Variants in SYNJ2 observed in about 807,000 individuals in gnomAD.
SYNJ2 encodes the protein synaptojanin 2, also known as polyphosphatidylinositol phosphatase SYNJ2.
In SYNJ2, 116 loss-of-function variants were observed where a neutral mutation model predicts 141.3. That is an observed-to-expected ratio of 0.82 (90% CI 0.71 to 0.96). The LOEUF is 0.96. SYNJ2 is among the 40% of genes least tolerant of loss of function. The pLI, the probability that SYNJ2 is intolerant of heterozygous loss-of-function variation, is 0.00. For synonymous variants in SYNJ2, 745 were observed against 777.7 expected, an observed-to-expected ratio of 0.96 and a Z score of 0.70; for missense variants, 1,873 against 1,934.8, an observed-to-expected ratio of 0.97 and a Z score of 0.60.
At chr6:158,047,375 A>G (rs968622996) in intron 5 of SYNJ2, among the ~76,000 whole-genome samples, 1 of 152,096 alleles carries the variant, frequency 6.6e-6, no homozygotes, top group African/African-American at 2.4e-5. Context: ...CTTTGTAACC[A>G]TGTGTGTTTG....
intron 1 of SYNJ2, among the ~76,000 whole-genome samples, chr6:158,010,876 G>A (rs935158012): frequency 2.1e-5 from 3 of 145,288 alleles, no homozygotes; most frequent in South Asian, 2.3e-4. Context: ...GGATGGCCTC[G>A]TGACAACGGG....
chr6:158,002,905 T>C (rs1198897720), intron 1 of SYNJ2, among the ~76,000 whole-genome samples: 1 of 152,188 alleles, frequency 6.6e-6, no homozygotes, highest in African/African-American at 2.4e-5. Context: ...TTTCCTGGAT[T>C]TCTTATTTTT....
chr6:158,037,298 T>C (rs1204739845), intron 4 of SYNJ2, among the ~76,000 whole-genome samples: 1 of 144,920 alleles, frequency 6.9e-6, no homozygotes, highest in East Asian at 2.0e-4. Flanking sequence ...CTCTCCATCA[T>C]CTCTGCCTCC....
rs144486000 is a variant in SYNJ2, at chr6:158,086,659, T to A, written c.3209-196T>A. ...TACCCATTATCCATGGTTCACTGAA[T>A]GTTCCAAGCAGGCACTGGGTGCCCT... On this transcript the variant is annotated intron_variant, in intron 22 of 26. Coordinates refer to ENST00000355585, the MANE Select transcript of SYNJ2 (RefSeq NM_003898.4). 3.0e-3 allele frequency among the ~76,000 whole-genome samples: 456 copies of A among 152,318 alleles called. 4 individuals carry two copies. Among genetic ancestry groups the A allele is most frequent in the African/African-American group, 0.01 (432 of 41,566 alleles).
chr6:158,062,114 G>A lies in SYNJ2; in HGVS notation c.1077G>A (p.Leu359=). 6.2e-7 allele frequency: 1 copy of A among 1,614,144 alleles called. No individual in the cohort carries two copies. Among genetic ancestry groups the A allele is most frequent in the Non-Finnish European group, 8.5e-7 (1 of 1,180,024 alleles). The change falls in exon 8 of 27, where the codon CTG becomes CTA. Residue 359 remains leucine, a synonymous_variant. Transcript: ENST00000355585. ...CCCTCTTGAGGCCACAGTTAAAGCT[G>A]CACTGGGAAGACTTCGATGTGTTCA... ...LETLLRPQLK[L]HWEDFDVFTK... is the part of the protein sequence containing the mutation.
chr6:158,081,494 A>T lies in SYNJ2; in HGVS notation c.2849A>T (p.Asp950Val). The change falls in exon 20 of 27, where the codon GAC becomes GTC. Residue 950 changes from aspartate to valine, a missense_variant. Asp to Val is a radical substitution (Grantham distance 152). Coordinates refer to ENST00000355585, the MANE Select transcript of SYNJ2 (RefSeq NM_003898.4). ...AGTCACTCGGCTCTCAGTGTCCTGG[A>T]CGTGGACGGTATGAAGGTACGCTGT... ...ADSHSALSVLDVDGMKVKGRA... is the reference protein window; with the variant it reads ...ADSHSALSVLVVDGMKVKGRA... 1 of 1,602,282 alleles carries T rather than the reference A, an allele frequency of 6.2e-7. No individual in the cohort carries two copies. The highest frequency in any genetic ancestry group is 8.5e-7 in the Non-Finnish European group (1 of 1,173,220).
rs1393374160 is a variant in SYNJ2 at position 158,027,882 on chromosome 6, C to T, written c.215-874C>T. On this transcript the variant is annotated intron_variant, in intron 2 of 26. Coordinates refer to ENST00000355585, the MANE Select transcript of SYNJ2 (RefSeq NM_003898.4). This position sits in a 1 kb window ranked among gnomAD's most constrained non-coding sequence, Gnocchi z 4.6. ...GTGGGGAGGGCAGAGGCAGGATGGT[C>T]CCTACGGAGCATGTGGGGACGCTCG... 4.6e-5 allele frequency: 7 copies of T among 152,302 alleles called. No homozygotes were observed. The highest frequency in any genetic ancestry group is 7.3e-5 in the Non-Finnish European group (5 of 68,196). 9.4% of individuals were successfully genotyped at this position (152,302 alleles called of 1,614,324 possible).
intron 4 of SYNJ2, among the ~76,000 whole-genome samples, chr6:158,034,191 G>C (rs1779519983): frequency 1.3e-5 from 2 of 152,142 alleles, no homozygotes; most frequent in African/African-American, 4.8e-5. Context: ...CTAGAATATA[G>C]CCATCTGCTT....
At position 158,059,277 on chromosome 6, in the gene SYNJ2, A is replaced by AGCAGTAC. The variant is rs1268243311; in HGVS notation, c.880_886dup (p.Gly296AlafsTer43). On this transcript the variant is annotated frameshift_variant, in exon 7 of 27. Coordinates refer to ENST00000355585, the MANE Select transcript of SYNJ2 (RefSeq NM_003898.4). LOFTEE classifies it high-confidence loss of function. ...TGCAGGCACATGGTGCTTCTGAAGG[A>AGCAGTAC]GCAGTACGGGCAGCAGGTGGTCGTG... The AGCAGTAC allele has an allele frequency of 6.5e-7, 1 of 1,550,070 alleles. No homozygotes were observed. Among genetic ancestry groups the AGCAGTAC allele is most frequent in the South Asian group, 1.2e-5 (1 of 84,000 alleles).
Position 158,027,217 on chromosome 6 carries a change from T to G in SYNJ2, c.215-1539T>G. ...TGGAACTGGTTGTTTTGGGGGTCTCTTCCTGGAGTGTGGAGAGATCAGAAC... is the reference window on the plus strand; with the variant it reads ...TGGAACTGGTTGTTTTGGGGGTCTCGTCCTGGAGTGTGGAGAGATCAGAAC... On this transcript the variant is annotated intron_variant, in intron 2 of 26. Transcript: ENST00000355585. The surrounding 1 kb of genome is among the most constrained non-coding windows in gnomAD (Gnocchi z 4.6). The G allele has an allele frequency of 5.1e-6, 5 of 984,306 alleles. No homozygotes were observed. The highest frequency in any genetic ancestry group is 5.2e-4 in the Middle Eastern group (1 of 1,910). 61.0% of individuals were successfully genotyped at this position (984,306 alleles called of 1,614,324 possible).
chr6:158,002,568 TA>T (rs564760876), intron 1 of SYNJ2, among the ~76,000 whole-genome samples: 82 of 152,290 alleles, frequency 5.4e-4, no homozygotes, highest in African/African-American at 1.9e-3. Context: ...TGTTAGGACC[TA>T]AATTAGGGGT....
At chr6:158,050,805 G>A (rs372048381) in intron 5 of SYNJ2, among the ~76,000 whole-genome samples, 6 of 152,108 alleles carry the variant, frequency 3.9e-5, no homozygotes, top group African/African-American at 7.2e-5. Flanking sequence ...ATTAATTTGC[G>A]CTTGTGCAGG....
intron 5 of SYNJ2, among the ~76,000 whole-genome samples, chr6:158,045,689 A>G (rs1254330661): frequency 6.6e-6 from 1 of 151,692 alleles, no homozygotes; most frequent in Non-Finnish European, 1.5e-5. Flanking sequence ...AAGACTCTCA[A>G]TGTTCTCATC....
intron 1 of SYNJ2, among the ~76,000 whole-genome samples, chr6:157,993,710 CTTTTTT>C (rs34971762): frequency 2.0e-4 from 8 of 40,556 alleles, no homozygotes; most frequent in African/African-American, 3.3e-4. Flanking sequence ...TCTTGCATAG[CTTTTTT>C]TTTTTTTTTT....
At chr6:158,029,656 C>T (rs1007762965) in intron 3 of SYNJ2, among the ~76,000 whole-genome samples, 2 of 152,048 alleles carry the variant, frequency 1.3e-5, no homozygotes, top group Admixed American at 1.3e-4. Flanking sequence ...TCCCGGGTGC[C>T]GAGCTCAGTG....
intron 7 of SYNJ2, among the ~76,000 whole-genome samples, chr6:158,060,602 A>T (rs1285814552): frequency 6.6e-6 from 1 of 152,218 alleles, no homozygotes; most frequent in Non-Finnish European, 1.5e-5. Flanking sequence ...ATTTGGCCAG[A>T]CCTGCTTTTC....
chr6:158,090,947 A>G, intron 25 of SYNJ2, among the ~76,000 whole-genome samples: 1 of 152,214 alleles, frequency 6.6e-6, no homozygotes, highest in Admixed American at 6.5e-5. Flanking sequence ...TTAAGGGGGC[A>G]TGAGTTAAAA....
chr6:158,056,977 G>A (rs1780904973), intron 6 of SYNJ2, among the ~76,000 whole-genome samples: 1 of 152,012 alleles, frequency 6.6e-6, no homozygotes, highest in African/African-American at 2.4e-5. Context: ...TCTCTGTGTG[G>A]TGATGAGTCT....
intron 3 of SYNJ2, among the ~76,000 whole-genome samples, chr6:158,030,145 A>G (rs1430861144): frequency 6.6e-6 from 1 of 152,230 alleles, no homozygotes; most frequent in Non-Finnish European, 1.5e-5. Context: ...ACAAGAGTGG[A>G]CAACCCTGTA....
Sources: allele counts gnomAD v4.1 joint callset (sites outside exome capture counted in the v4.1 genomes callset), GRCh38; gene constraint gnomAD v4.1.1; non-coding constraint Gnocchi (gnomAD v3.1); transcripts MANE v1.5; gene names NCBI Gene and HGNC (gene_info 2026-07-23, HGNC 2026-07-21).